Variants in MCTP2 observed in about 807,000 individuals in gnomAD.
MCTP2 encodes multiple C2 and transmembrane domain-containing protein 2.
Under a neutral mutation model 111.6 loss-of-function variants are expected in MCTP2, and 132 were observed. That is an observed-to-expected ratio of 1.18 (90% CI 1.03 to 1.37). The LOEUF is 1.37. Ranked by LOEUF, MCTP2 falls within the 40% of genes most tolerant of loss-of-function variation. The pLI, the probability that MCTP2 is intolerant of heterozygous loss-of-function variation, is 0.00. For synonymous variants in MCTP2, 395 were observed against 387.7 expected, an observed-to-expected ratio of 1.02 and a Z score of -0.22; for missense variants, 1,183 against 1,067.9, an observed-to-expected ratio of 1.11 and a Z score of -1.50.
chr15:94,262,986 AG>A (rs2073284050), intron 1 of MCTP2, among the ~76,000 whole-genome samples: 1 of 152,102 alleles, frequency 6.6e-6, no homozygotes, highest in Admixed American at 6.5e-5. Flanking sequence ...TCTTCTTTGT[AG>A]TAGAAAATAT....
Position 94,243,002 on chromosome 15 carries a change from TACACATAC to T in MCTP2, c.-66+11341_-66+11348del, listed in dbSNP as rs1312455486. 6.6e-3 allele frequency among the ~76,000 whole-genome samples: 587 copies of T among 88,740 alleles called. 158 individuals are homozygous for T. Among genetic ancestry groups the T allele is most frequent in the African/African-American group, 0.015 (334 of 22,290 alleles). The allele number at this position is 88,740 out of a possible 152,430, so 58.2% of individuals were successfully genotyped here. ...ACACATACACGTGTATATGTGTATC[TACACATAC>T]ACGTGTATATGTGTATCTACACATA... On this transcript the variant is annotated intron_variant, in intron 1 of 22. Coordinates refer to ENST00000357742, the MANE Select transcript of MCTP2 (RefSeq NM_001385001.1).
intron 4 of MCTP2, among the ~76,000 whole-genome samples, chr15:94,338,956 A>C (rs930260): frequency 6.6e-6 from 1 of 152,226 alleles, no homozygotes; most frequent in Admixed American, 6.5e-5. Context: ...TTCCTAGGAG[A>C]GGGTGGGCTT....
At chr15:94,478,200 TGAA>T (rs1409572412) in intron 22 of MCTP2, among the ~76,000 whole-genome samples, 2 of 152,194 alleles carry the variant, frequency 1.3e-5, no homozygotes, top group African/African-American at 4.8e-5. Context: ...ACTGTATCCT[TGAA>T]GAACAGAAAT....
intron 17 of MCTP2, chr15:94,402,277 C>A: frequency 2.0e-6 from 2 of 982,916 alleles, no homozygotes; most frequent in Non-Finnish European, 2.4e-6. Context: ...TTGTATAGCC[C>A]TGCATTGTGT....
chr15:94,405,231 G>C (rs2081843011), intron 17 of MCTP2, among the ~76,000 whole-genome samples: 1 of 152,168 alleles, frequency 6.6e-6, no homozygotes, highest in Non-Finnish European at 1.5e-5. Flanking sequence ...GAACTGAAGG[G>C]ATGTGTTTTT....
intron 15 of MCTP2, chr15:94,399,398 A>C (rs2081443425): frequency 4.9e-6 from 1 of 205,388 alleles, no homozygotes; most frequent in Admixed American, 5.4e-5. Context: ...GGTCTTACTC[A>C]GTCTGGTGGT....
At chr15:94,410,666 G>A (rs1020082782) in intron 17 of MCTP2, among the ~76,000 whole-genome samples, 2 of 152,160 alleles carry the variant, frequency 1.3e-5, no homozygotes, top group Non-Finnish European at 2.9e-5. Context: ...TTAGTATATT[G>A]CAAGCTGCAG....
At chr15:94,466,914 T>G (rs1390753438) in intron 20 of MCTP2, among the ~76,000 whole-genome samples, 1 of 149,904 alleles carries the variant, frequency 6.7e-6, no homozygotes, top group Non-Finnish European at 1.5e-5. Context: ...AAAAAGTAAT[T>G]TGATTTATTT....
chr15:94,334,962 C>T (rs551752298), intron 4 of MCTP2, among the ~76,000 whole-genome samples: 5 of 152,274 alleles, frequency 3.3e-5, no homozygotes, highest in African/African-American at 9.6e-5. Flanking sequence ...ATCACATACC[C>T]TTTCCCATCC....
intron 1 of MCTP2, among the ~76,000 whole-genome samples, chr15:94,244,630 G>C (rs1030882224): frequency 2.8e-5 from 4 of 144,630 alleles, no homozygotes; most frequent in East Asian, 2.1e-4. Context: ...ACATACATAT[G>C]CACCTATGTT....
chr15:94,360,228 C>T (rs931198912), intron 10 of MCTP2, among the ~76,000 whole-genome samples: 19 of 152,154 alleles, frequency 1.2e-4, no homozygotes, highest in African/African-American at 4.3e-4. Context: ...AGATTGCAAT[C>T]GTTTCTTCCC....
At chr15:94,371,250 T>G (rs1357141413) in intron 12 of MCTP2, among the ~76,000 whole-genome samples, 1 of 152,138 alleles carries the variant, frequency 6.6e-6, no homozygotes, top group Admixed American at 6.6e-5. Flanking sequence ...AAGATACAAT[T>G]TTTGAGGCTT....
intron 19 of MCTP2, among the ~76,000 whole-genome samples, chr15:94,450,510 C>T (rs972509043): frequency 7.2e-5 from 11 of 152,180 alleles, no homozygotes; most frequent in Non-Finnish European, 1.6e-4. Flanking sequence ...TTTGTTATGA[C>T]AGATGCTAAG....
intron 17 of MCTP2, chr15:94,402,403 T>C: frequency 6.6e-7 from 1 of 1,518,572 alleles, no homozygotes; most frequent in Non-Finnish European, 8.8e-7. Context: ...AGTAAATTAT[T>C]CCCAAACTTT....
At chr15:94,354,619 C>T (rs1466230733) in intron 8 of MCTP2, among the ~76,000 whole-genome samples, 1 of 152,172 alleles carries the variant, frequency 6.6e-6, no homozygotes, top group African/African-American at 2.4e-5. Flanking sequence ...AATTACCCGC[C>T]AGGCAGTTCT....
At chr15:94,476,628 A>C in intron 21 of MCTP2, 68 bp from the exon 22 acceptor site, 1 of 803,058 alleles carries the variant, frequency 1.2e-6, no homozygotes, top group Non-Finnish European at 2.1e-6. Context: ...AGATAGATAG[A>C]TAGATAGATA....
rs796499482 is a variant in MCTP2, at chr15:94,424,960, G to T, written c.2086-15216G>T. Among the ~76,000 whole-genome samples the T allele has an allele frequency of 2.6e-5, 4 of 151,542 alleles. No homozygotes were observed. In the South Asian group the frequency reaches 6.3e-4, roughly 24 times the overall value. ...TTTGTACTTAAAATATCTTCTAGAG[G>T]TTTCTATTTTTTTCATGCTGTTTGT... On this transcript the variant is annotated intron_variant, in intron 17 of 22. Transcript: ENST00000357742.
intron 22 of MCTP2, among the ~76,000 whole-genome samples, chr15:94,478,191 C>T (rs750484499): frequency 5.9e-5 from 9 of 152,230 alleles, no homozygotes; most frequent in African/African-American, 1.2e-4. Flanking sequence ...TGAGTTCACA[C>T]TGTATCCTTG....
intron 1 of MCTP2, among the ~76,000 whole-genome samples, chr15:94,255,689 G>A (rs2072719068): frequency 6.6e-6 from 1 of 152,110 alleles, no homozygotes; most frequent in Non-Finnish European, 1.5e-5. Flanking sequence ...GGGTGGACCA[G>A]CAGAAGCCGT....
Sources: allele counts gnomAD v4.1 joint callset (sites outside exome capture counted in the v4.1 genomes callset), GRCh38; gene constraint gnomAD v4.1.1; transcripts MANE v1.5; gene names NCBI Gene and HGNC (gene_info 2026-07-23, HGNC 2026-07-21).